The following TRPC5 variants were observed in gnomAD, a reference collection of about 807,000 sequenced individuals.
TRPC5 encodes short transient receptor potential channel 5.
TRPC5 carries 9 observed loss-of-function variants against 56.5 expected under a neutral mutation model. The observed-to-expected ratio is 0.16, with a 90% confidence interval of 0.10 to 0.28. The LOEUF is 0.28. Among genes scored for constraint, TRPC5 ranks in the 10% least tolerant of loss-of-function variants. The pLI is 1.00. For missense variants in TRPC5, 469 were observed against 748.9 expected (o/e 0.63, Z 4.36); for synonymous variants, 282 against 278.5 (o/e 1.01, Z -0.13).
At chrX:112,072,370 A>G (rs1197079068) in intron 1 of TRPC5, among the ~76,000 whole-genome samples, 2 of 112,184 alleles carry the variant, frequency 1.8e-5, no homozygotes, top group African/African-American at 6.5e-5. Flanking sequence ...ATTTGTCATC[A>G]TCACTGCTAT....
chrX:112,067,641 C>T (rs1198161912), intron 1 of TRPC5, among the ~76,000 whole-genome samples: 3 of 111,767 alleles, frequency 2.7e-5, no homozygotes, highest in Non-Finnish European at 5.6e-5. Context: ...TGCCCTCTGC[C>T]AACTGCCCAC....
chrX:111,980,398 A>G (rs182945629), intron 1 of TRPC5, among the ~76,000 whole-genome samples: 75 of 111,442 alleles, frequency 6.7e-4, no homozygotes, highest in African/African-American at 2.4e-3. Context: ...TGATTTCAGG[A>G]GTTTAATGGG....
chrX:111,947,595 G>A (rs1271164732), intron 2 of TRPC5, among the ~76,000 whole-genome samples: 1 of 111,492 alleles, frequency 9.0e-6, no homozygotes, highest in Non-Finnish European at 1.9e-5. Context: ...AAATCCCAAA[G>A]TGCTGGGATT....
In TRPC5 at chrX:111,853,912, G is replaced by A; in HGVS notation, c.1095C>T (p.Ile365=). 10 of 1,211,855 alleles carry A rather than the reference G, an allele frequency of 8.3e-6. No individual in the cohort carries two copies. Among genetic ancestry groups the A allele is most frequent in the Non-Finnish European group, 1.1e-5 (10 of 895,552 alleles). Residue 365 remains isoleucine (I), a synonymous_variant, in exon 4 of 11, where the codon ATC becomes ATT. Transcript: ENST00000262839. ...NLGLFIKKPF[I]KFICHTASYL... is the part of the protein sequence containing the mutation. ...AGGATGCTGTGTGGCAGATAAACTT[G>A]ATAAAGGGTTTCTTGATGAACAGCC...
intron 1 of TRPC5, among the ~76,000 whole-genome samples, chrX:112,007,062 G>A (rs1295245009): frequency 9.0e-6 from 1 of 110,902 alleles, no homozygotes. Context: ...GTGGAGTGGG[G>A]GTGGAGTGGC....
chrX:111,861,436 ATTTTTT>A (rs1402529852), intron 3 of TRPC5, among the ~76,000 whole-genome samples: 2 of 111,945 alleles, frequency 1.8e-5, no homozygotes, highest in East Asian at 5.6e-4. Context: ...TTTTAAGACA[ATTTTTT>A]ATTTTTAAGC....
At chrX:112,013,384 C>A (rs752662623) in intron 1 of TRPC5, among the ~76,000 whole-genome samples, 2 of 111,835 alleles carry the variant, frequency 1.8e-5, no homozygotes, top group Non-Finnish European at 3.8e-5. Flanking sequence ...CTCCTGACCT[C>A]AGGTGATCTG....
intron 1 of TRPC5, among the ~76,000 whole-genome samples, chrX:112,057,932 G>A (rs774942292): frequency 3.0e-4 from 34 of 111,783 alleles, no homozygotes; most frequent in Non-Finnish European, 1.1e-4. Context: ...CAGGGGGCTA[G>A]TGGTCCACTG....
chrX:111,845,201 G>A (rs892751333), intron 6 of TRPC5, among the ~76,000 whole-genome samples: 1 of 111,698 alleles, frequency 9.0e-6, no homozygotes, highest in Non-Finnish European at 1.9e-5. Flanking sequence ...TCACGCCACT[G>A]TACTCCAGTC....
chrX:111,970,968 C>T (rs1193593993), intron 1 of TRPC5, among the ~76,000 whole-genome samples: 2 of 109,911 alleles, frequency 1.8e-5, no homozygotes, highest in African/African-American at 6.6e-5. Context: ...TTAGTAGAGA[C>T]GGGGTTTCAC....
chrX:111,791,212 A>T (rs1467314133), intron 7 of TRPC5, among the ~76,000 whole-genome samples: 1 of 109,315 alleles, frequency 9.1e-6, no homozygotes, highest in African/African-American at 3.3e-5. Flanking sequence ...AGGTCCCAAG[A>T]GCATCTACCA....
At chrX:112,016,734 G>T (rs1456272285) in intron 1 of TRPC5, among the ~76,000 whole-genome samples, 2 of 91,266 alleles carry the variant, frequency 2.2e-5, no homozygotes, top group Non-Finnish European at 4.6e-5. Context: ...TGTGTAGAGG[G>T]AGGTGAAGCA....
chrX:111,792,736 C>CT (rs1216495219), intron 7 of TRPC5, among the ~76,000 whole-genome samples: 1 of 112,239 alleles, frequency 8.9e-6, no homozygotes, highest in East Asian at 2.8e-4. Flanking sequence ...CTTCACTGAA[C>CT]TTTAAGCTAC....
chrX:111,843,111 C>A lies in TRPC5; in HGVS notation c.1700+4003G>T, dbSNP rs1180673626. ...TTACAGATTTCTTTCTCTATTATTT[C>A]TTCCGATTACAATGTAACTACAATT... On this transcript the variant is annotated intron_variant, in intron 6 of 10. Coordinates refer to ENST00000262839, the MANE Select transcript of TRPC5 (RefSeq NM_012471.3). Among the ~76,000 whole-genome samples, 6 of 112,474 alleles carry A rather than the reference C, an allele frequency of 5.3e-5. No individual in the cohort carries two copies. In the East Asian group the frequency reaches 1.4e-3, roughly 26 times the overall value.
chrX:111,777,697 G>C (rs972075147), intron 10 of TRPC5, among the ~76,000 whole-genome samples: 1 of 112,007 alleles, frequency 8.9e-6, no homozygotes, highest in Non-Finnish European at 1.9e-5. Flanking sequence ...CTGTCCACCT[G>C]TATGGACATA....
In TRPC5 at chrX:112,073,087, C is replaced by A. The variant is rs748699884; in HGVS notation, c.-22+8792G>T. On this transcript the variant is annotated intron_variant, in intron 1 of 10. Coordinates refer to ENST00000262839, the MANE Select transcript of TRPC5 (RefSeq NM_012471.3). ...TAAGTTGTACTGAGCAGGGCGTGTT[C>A]TTCTTGTGAATTCCCTGTAGTGCCT... Among the ~76,000 whole-genome samples the A allele has an allele frequency of 4.5e-5, 5 of 111,814 alleles. No individual in the cohort carries two copies. In the South Asian group the frequency reaches 1.9e-3, roughly 42 times the overall value.
chrX:111,905,914 C>CAAAAA (rs1202912083), intron 3 of TRPC5, among the ~76,000 whole-genome samples: 47 of 36,977 alleles, frequency 1.3e-3, no homozygotes, highest in African/African-American at 5.1e-3. Flanking sequence ...GTCTCTGTCT[C>CAAAAA]AAAAAAAAAA....
At chrX:111,792,477 T>G (rs1946030293) in intron 7 of TRPC5, among the ~76,000 whole-genome samples, 1 of 111,102 alleles carries the variant, frequency 9.0e-6, no homozygotes, top group African/African-American at 3.3e-5. Context: ...TTTTAAAAAA[T>G]TAAAAAAAAG....
chrX:111,967,100 C>G (rs758567957), intron 1 of TRPC5, among the ~76,000 whole-genome samples: 5 of 111,883 alleles, frequency 4.5e-5, no homozygotes, highest in African/African-American at 1.3e-4. Flanking sequence ...AGCCCAAAAT[C>G]TCCTTACACT....
Sources: allele counts gnomAD v4.1 joint callset (sites outside exome capture counted in the v4.1 genomes callset), GRCh38; gene constraint gnomAD v4.1.1; transcripts MANE v1.5; gene names NCBI Gene and HGNC (gene_info 2026-07-23, HGNC 2026-07-21).